The following SGK3 variants were observed in gnomAD, a reference collection of about 807,000 sequenced individuals.
SGK3 encodes the protein serum/glucocorticoid regulated kinase family member 3.
In SGK3, 47 loss-of-function variants were observed where a neutral mutation model predicts 68.5. The ratio of observed to expected loss-of-function variants is 0.69; its 90% CI spans 0.54 to 0.87. The LOEUF is 0.87. Among genes scored for constraint, SGK3 ranks in the 40% least tolerant of loss-of-function variants. The pLI is 0.00. For synonymous variants in SGK3, 181 were observed against 189.1 expected (o/e 0.96, Z 0.35); for missense variants, 479 against 575.5 (o/e 0.83, Z 1.72).
At chr8:66,800,813 C>CA (rs940483339) in intron 3 of SGK3, among the ~76,000 whole-genome samples, 19 of 151,614 alleles carry the variant, frequency 1.3e-4, no homozygotes, top group African/African-American at 3.1e-4. Flanking sequence ...TCCATCTCTA[C>CA]AAAAAAAATA....
chr8:66,750,255 G>A (rs375149165), intron 1 of SGK3, among the ~76,000 whole-genome samples: 1 of 152,084 alleles, frequency 6.6e-6, no homozygotes, highest in Non-Finnish European at 1.5e-5. Flanking sequence ...CAAATAAAAT[G>A]TATGTACATT....
intron 1 of SGK3, chr8:66,767,695 A>G (rs764123287): frequency 1.4e-6 from 2 of 1,441,586 alleles, no homozygotes; most frequent in South Asian, 1.1e-5. Flanking sequence ...TGAGGCAGGA[A>G]CAGAGTTTTT....
chr8:66,812,731 A>G (rs185221548), intron 4 of SGK3, among the ~76,000 whole-genome samples: 4 of 151,892 alleles, frequency 2.6e-5, no homozygotes, highest in Admixed American at 2.6e-4. Context: ...ATTTAATCCT[A>G]TAACAGCATT....
Position 66,858,067 on chromosome 8 carries a change from C to CA in SGK3, c.1321-1338dup, listed in dbSNP as rs956840494. On this transcript the variant is annotated intron_variant, in intron 16 of 16. Transcript: ENST00000521198. ...AAGAACCTAATTAAATAAGTGATAA[C>CA]AAAAAATTATTATTTTACTTATAAC... Among the ~76,000 whole-genome samples the CA allele has an allele frequency of 1.4e-4, 21 of 152,098 alleles. 1 individual carries two copies. The highest frequency in any genetic ancestry group is 3.9e-4 in the Admixed American group (6 of 15,266).
At chr8:66,811,820 G>A (rs1022396001) in intron 4 of SGK3, among the ~76,000 whole-genome samples, 1 of 152,116 alleles carries the variant, frequency 6.6e-6, no homozygotes, top group Non-Finnish European at 1.5e-5. Context: ...TTCTTCATAT[G>A]TTACTAAATT....
At chr8:66,775,896 A>G (rs1806689006) in intron 1 of SGK3, among the ~76,000 whole-genome samples, 1 of 146,208 alleles carries the variant, frequency 6.8e-6, no homozygotes, top group African/African-American at 2.8e-5. Context: ...AAACTTGGGC[A>G]ATTTGCCTAA....
intron 1 of SGK3, among the ~76,000 whole-genome samples, chr8:66,755,085 C>T (rs537993288): frequency 2.0e-5 from 3 of 152,072 alleles, no homozygotes; most frequent in African/African-American, 7.2e-5. Context: ...ATGGTGAAAC[C>T]TCGTCTCTAC....
At chr8:66,768,162 A>G (rs1219411346) in intron 1 of SGK3, among the ~76,000 whole-genome samples, 7 of 152,230 alleles carry the variant, frequency 4.6e-5, no homozygotes, top group Non-Finnish European at 8.8e-5. Context: ...GCTAGCTTTT[A>G]TAATACTGTT....
chr8:66,739,803 C>A (rs1348514605), intron 1 of SGK3, among the ~76,000 whole-genome samples: 3 of 152,314 alleles, frequency 2.0e-5, no homozygotes, highest in Non-Finnish European at 2.9e-5. Context: ...GCAAACATGT[C>A]CTTCTTCACA....
chr8:66,850,674 A>G (rs946956282), intron 15 of SGK3, among the ~76,000 whole-genome samples, 157 bp from the exon 16 acceptor site: 9 of 152,234 alleles, frequency 5.9e-5, no homozygotes, highest in African/African-American at 1.4e-4. Context: ...TATTGCTTAC[A>G]TGAATAACAT....
intron 2 of SGK3, 75 bp downstream of exon 2, chr8:66,793,907 A>C (rs1436480648): frequency 6.9e-7 from 1 of 1,456,440 alleles, no homozygotes; most frequent in Admixed American, 2.0e-5. Flanking sequence ...TTTCTTCTCC[A>C]ACCTAGAACA....
At chr8:66,734,596 C>T (rs921054242) in intron 1 of SGK3, among the ~76,000 whole-genome samples, 1 of 152,032 alleles carries the variant, frequency 6.6e-6, no homozygotes, top group East Asian at 1.9e-4. Flanking sequence ...ACAGTACTCC[C>T]CCTTATCCAT....
At chr8:66,742,263 G>T (rs1805503399) in intron 1 of SGK3, among the ~76,000 whole-genome samples, 1 of 151,914 alleles carries the variant, frequency 6.6e-6, no homozygotes, top group Admixed American at 6.6e-5. Flanking sequence ...TTTTTATGAA[G>T]GTTTAGGAGA....
intron 1 of SGK3, among the ~76,000 whole-genome samples, chr8:66,746,249 C>A (rs1418388496): frequency 6.6e-6 from 1 of 152,186 alleles, no homozygotes; most frequent in African/African-American, 2.4e-5. Flanking sequence ...TCCACTCTTC[C>A]ATTGGCTTTC....
intron 1 of SGK3, among the ~76,000 whole-genome samples, chr8:66,738,382 A>G (rs1389859955): frequency 6.6e-6 from 1 of 152,200 alleles, no homozygotes; most frequent in Non-Finnish European, 1.5e-5. Context: ...TCTAAAGTGC[A>G]GATGTGACCG....
At chr8:66,844,452 A>T (rs1809926692) in intron 14 of SGK3, among the ~76,000 whole-genome samples, 1 of 152,232 alleles carries the variant, frequency 6.6e-6, no homozygotes, top group Admixed American at 6.5e-5. Context: ...GCTTCTGATT[A>T]ATGAGAATAA....
intron 5 of SGK3, among the ~76,000 whole-genome samples, chr8:66,818,920 G>C (rs1331422573): frequency 6.6e-6 from 1 of 152,190 alleles, no homozygotes; most frequent in Non-Finnish European, 1.5e-5. Context: ...ATATCTTGGA[G>C]TAGAACTTGT....
chr8:66,724,908 A>G (rs1014384527), intron 1 of SGK3, among the ~76,000 whole-genome samples: 1 of 152,278 alleles, frequency 6.6e-6, no homozygotes, highest in East Asian at 1.9e-4. Flanking sequence ...CCTGGCCAAT[A>G]TGACGAAACC....
At chr8:66,718,490 T>C (rs1270934309) in intron 1 of SGK3, among the ~76,000 whole-genome samples, 1 of 151,682 alleles carries the variant, frequency 6.6e-6, no homozygotes, top group Non-Finnish European at 1.5e-5. Flanking sequence ...CAGTATATAG[T>C]CTATAGAATC....
Sources: gnomAD v4.1 joint callset for allele counts (sites outside exome capture counted in the v4.1 genomes callset) on GRCh38, gnomAD v4.1.1 for gene constraint, MANE v1.5 for transcripts, NCBI Gene and HGNC (gene_info 2026-07-23, HGNC 2026-07-21) for gene names.